The following IMPA1 variants were observed in gnomAD, a reference collection of about 807,000 sequenced individuals.
The protein encoded by IMPA1 is D-galactose 1-phosphate phosphatase.
A neutral mutation model predicts 34.9 loss-of-function variants in IMPA1; 21 were observed. That is an observed-to-expected ratio of 0.60 (90% confidence interval 0.43 to 0.87). The LOEUF is 0.87. Ranked by LOEUF, IMPA1 falls within the 40% of genes least tolerant of loss-of-function variation. IMPA1 has a pLI of 0.00. For missense variants in IMPA1, 299 were observed against 336.4 expected (o/e 0.89, Z 0.87); for synonymous variants, 95 against 104.4 (o/e 0.91, Z 0.55).
chr8:81,670,987 C>A lies in IMPA1; in HGVS notation c.518G>T (p.Arg173Ile). ...CTTTTCCATATTAGAAAGAACCATT[C>A]TCACAGTCTCTGGTGTTCTGGAAGA... ...LGSSRTPETVRMVLSNMEKLF... is the reference protein window; with the variant it reads ...LGSSRTPETVIMVLSNMEKLF... Residue 173 changes from arginine (R) to isoleucine (I), a missense_variant, in exon 7 of 9, where the codon AGA (arginine) becomes ATA (isoleucine). Physicochemically the swap from Arg to Ile is moderately conservative, Grantham distance 97. Coordinates refer to ENST00000256108, the MANE Select transcript of IMPA1 (RefSeq NM_005536.4). The A allele has an allele frequency of 1.3e-6, 2 of 1,536,240 alleles. No individual in the cohort carries two copies. Among genetic ancestry groups the A allele is most frequent in the Non-Finnish European group, 1.7e-6 (2 of 1,152,952 alleles).
At chr8:81,685,945 TGCACCA>T in intron 1 of IMPA1, 1 of 1,523,884 alleles carries the variant, frequency 6.6e-7, no homozygotes, top group African/African-American at 1.4e-5. Context: ...GGCCTGGGGA[TGCACCA>T]AGTTTCTAGG....
At position 81,680,777 on chromosome 8, in the gene IMPA1, A is replaced by G. The variant is rs778982593; in HGVS notation, c.70T>C (p.Cys24Arg). 1.3e-6 allele frequency: 2 copies of G among 1,600,006 alleles called. No individual in the cohort carries two copies. The highest frequency in any genetic ancestry group is 2.7e-5 in the African/African-American group (2 of 74,350). ...TLARQAGEVV[C>R]EAIKNEMNVM... ...TTCATTTCATTTTTTATAGCTTCAC[A>G]AACTACCTAAAAAGAGGTTTTGGTA... is the stretch of plus-strand genomic sequence containing the variant. The change falls in exon 3 of 9, where the codon TGT becomes CGT. Residue 24 changes from cysteine (C) to arginine (R), a missense_variant. Transcript: ENST00000256108.
chr8:81,679,310 C>CAT, intron 3 of IMPA1, 80 bp from the exon 4 acceptor site: 1 of 959,276 alleles, frequency 1.0e-6, no homozygotes, highest in Non-Finnish European at 1.7e-6. Flanking sequence ...CTTAGCTACA[C>CAT]AGAGTACTAT....
At chr8:81,671,110 C>A in intron 6 of IMPA1, 63 bp from the exon 7 acceptor site, 1 of 677,904 alleles carries the variant, frequency 1.5e-6, no homozygotes, top group Non-Finnish European at 2.4e-6. Context: ...ACTTGTAATT[C>A]AGAAGAGGGC....
intron 7 of IMPA1, 63 bp downstream of exon 7, chr8:81,670,876 A>C (rs1294419241): frequency 3.9e-6 from 3 of 773,878 alleles, no homozygotes; most frequent in Non-Finnish European, 6.2e-6. Context: ...CAGGAAAAAA[A>C]AAAGGTGTGT....
At chr8:81,683,642 C>T (rs562460556) in intron 1 of IMPA1, among the ~76,000 whole-genome samples, 3 of 152,134 alleles carry the variant, frequency 2.0e-5, no homozygotes, top group Admixed American at 6.5e-5. Context: ...GTTTAATTAG[C>T]GGAAGATGAG....
chr8:81,676,664 A>T (rs1212440525), intron 4 of IMPA1, among the ~76,000 whole-genome samples: 2 of 152,158 alleles, frequency 1.3e-5, no homozygotes, highest in East Asian at 1.9e-4. Context: ...TTGAAGGTCA[A>T]ATTCTATGAA....
intron 7 of IMPA1, among the ~76,000 whole-genome samples, chr8:81,669,774 G>A (rs1806935825): frequency 6.6e-6 from 1 of 152,278 alleles, no homozygotes; most frequent in Middle Eastern, 3.4e-3. Flanking sequence ...GCTGTGGTTT[G>A]AATGTTTGTT....
chr8:81,683,566 C>T (rs1453001350), intron 1 of IMPA1, among the ~76,000 whole-genome samples: 2 of 152,068 alleles, frequency 1.3e-5, no homozygotes, highest in African/African-American at 4.8e-5. Flanking sequence ...TCACAGTCTA[C>T]TGAAACAGGG....
At chr8:81,676,073 G>A (rs79532197) in intron 5 of IMPA1, among the ~76,000 whole-genome samples, 161 bp downstream of exon 5, 1 of 152,080 alleles carries the variant, frequency 6.6e-6, no homozygotes, top group Non-Finnish European at 1.5e-5. Flanking sequence ...CAATGCAAAT[G>A]TATCATGAAA....
At position 81,659,431 on chromosome 8, in the gene IMPA1, C is replaced by T; in HGVS notation, c.754G>A (p.Ala252Thr). The T allele has an allele frequency of 6.2e-7, 1 of 1,610,806 alleles. No homozygotes were observed. The highest frequency in any genetic ancestry group is 8.5e-7 in the Non-Finnish European group (1 of 1,177,400). The change falls in exon 9 of 9, where the codon GCT becomes ACT. Residue 252 changes from alanine (A) to threonine (T), a missense_variant. Coordinates refer to ENST00000256108, the MANE Select transcript of IMPA1 (RefSeq NM_005536.4). ...TCTGCTAATATTCTATTATTTGCAG[C>T]AATTACTCTTCGTGACATCAAATCA... Reference protein sequence around the residue: ...PFDLMSRRVIAANNRILAERI... With the variant: ...PFDLMSRRVITANNRILAERI...
chr8:81,686,038 G>T, intron 1 of IMPA1: 11 of 1,236,522 alleles, frequency 8.9e-6, no homozygotes, highest in Non-Finnish European at 1.1e-5. Context: ...GAGGTCGCGT[G>T]AGCGAACCGC....
In IMPA1 at chr8:81,659,239, C is replaced by A; in HGVS notation, c.*112G>T. On this transcript the variant is annotated 3_prime_UTR_variant, in exon 9 of 9. Transcript: ENST00000256108. Reference sequence around the variant, plus strand: ...TAAGAAACAAGTTCCAAATTTTTGACCTGGACAAAGAGAATTTAAACCAAG... The same window carrying A: ...TAAGAAACAAGTTCCAAATTTTTGAACTGGACAAAGAGAATTTAAACCAAG... 1 of 692,750 alleles carries A rather than the reference C, an allele frequency of 1.4e-6. No homozygotes were observed. The highest frequency in any genetic ancestry group is 2.6e-6 in the Non-Finnish European group (1 of 388,668). The allele number at this position is 692,750 out of a possible 1,614,324, so 42.9% of individuals were successfully genotyped here. A position where few individuals can be genotyped will look rare whatever the true frequency, so the allele number is the denominator to read the frequency against.
chr8:81,660,492 C>G (rs751191616), intron 8 of IMPA1, 24 bp downstream of exon 8: 11 of 1,605,234 alleles, frequency 6.9e-6, no homozygotes, highest in Non-Finnish European at 9.4e-6. Context: ...GTGTGGAGAT[C>G]TGCTTCACTC....
At chr8:81,666,528 A>C (rs1806827152) in intron 7 of IMPA1, among the ~76,000 whole-genome samples, 1 of 152,190 alleles carries the variant, frequency 6.6e-6, no homozygotes, top group African/African-American at 2.4e-5. Context: ...CAGTGGTTCA[A>C]AGGACTAAAA....
At chr8:81,663,062 T>C (rs1364083274) in intron 7 of IMPA1, among the ~76,000 whole-genome samples, 1 of 152,208 alleles carries the variant, frequency 6.6e-6, no homozygotes, top group Non-Finnish European at 1.5e-5. Context: ...CAAAAGATCA[T>C]AAAAGCAATC....
intron 1 of IMPA1, chr8:81,686,025 A>G (rs1488609247): frequency 1.7e-5 from 22 of 1,318,798 alleles, no homozygotes; most frequent in Non-Finnish European, 3.0e-6. Flanking sequence ...ACAGAGGTTA[A>G]GTGAGGTCGC....
At chr8:81,665,378 C>G (rs908248205) in intron 7 of IMPA1, among the ~76,000 whole-genome samples, 1 of 151,062 alleles carries the variant, frequency 6.6e-6, no homozygotes, top group African/African-American at 2.4e-5. Flanking sequence ...ATGTCAGGAA[C>G]GAAGAATAAA....
At chr8:81,665,627 A>C (rs1328754087) in intron 7 of IMPA1, among the ~76,000 whole-genome samples, 4 of 152,166 alleles carry the variant, frequency 2.6e-5, no homozygotes, top group African/African-American at 9.6e-5. Flanking sequence ...CTATATACTG[A>C]AACACACGAC....
Sources: gnomAD v4.1 joint callset for allele counts (sites outside exome capture counted in the v4.1 genomes callset) on GRCh38, gnomAD v4.1.1 for gene constraint, MANE v1.5 for transcripts, NCBI Gene and HGNC (gene_info 2026-07-23, HGNC 2026-07-21) for gene names.